Variants in LRMDA observed in about 807,000 individuals in gnomAD.
The protein encoded by LRMDA is leucine-rich melanocyte differentiation-associated protein.
In LRMDA, 18 loss-of-function variants were observed where a neutral mutation model predicts 29.8. The ratio of observed to expected loss-of-function variants is 0.60; its 90% confidence interval spans 0.42 to 0.90. The LOEUF (loss-of-function observed/expected upper bound fraction) is 0.90, where lower values mean the gene tolerates loss of function less well. Among genes scored for constraint, LRMDA ranks in the 40% least tolerant of loss-of-function variants. The pLI is 0.00. For synonymous variants in LRMDA, 125 were observed against 109.4 expected, an observed-to-expected ratio of 1.14 and a Z score of -0.89; for missense variants, 273 against 273.9, an observed-to-expected ratio of 1.00 and a Z score of 0.02.
At chr10:76,135,724 C>T (rs1008249064) in intron 5 of LRMDA, among the ~76,000 whole-genome samples, 6 of 151,764 alleles carry the variant, frequency 4.0e-5, no homozygotes, top group African/African-American at 1.5e-4. Flanking sequence ...CTGTCTTCAC[C>T]TTGTCTTCCC....
intron 6 of LRMDA, among the ~76,000 whole-genome samples, chr10:76,524,939 A>C (rs1408742545): frequency 6.6e-6 from 1 of 152,208 alleles, no homozygotes; most frequent in African/African-American, 2.4e-5. Context: ...AGAAAATAAC[A>C]CACACTTTAT....
chr10:76,371,301 G>A (rs1841451438), intron 6 of LRMDA, among the ~76,000 whole-genome samples: 1 of 152,182 alleles, frequency 6.6e-6, no homozygotes, highest in East Asian at 1.9e-4. Flanking sequence ...CCTTCTTGCA[G>A]TGGGGTTTTG....
rs980306774 is a variant in LRMDA, at chr10:76,320,357, A to C, written c.517-4044A>C. ...CTTCAGCAGAAGGATTTATAAGGCC[A>C]GAATGAGTGTTTCAAGCCTTGCGGG... On this transcript the variant is annotated intron_variant, in intron 5 of 6. Transcript: ENST00000611255. 9.2e-5 allele frequency among the ~76,000 whole-genome samples: 14 copies of C among 152,346 alleles called. 1 individual carries two copies. Among genetic ancestry groups the C allele is most frequent in the African/African-American group, 3.4e-4 (14 of 41,586 alleles).
At chr10:76,446,046 T>G (rs1354915990) in intron 6 of LRMDA, among the ~76,000 whole-genome samples, 1 of 152,238 alleles carries the variant, frequency 6.6e-6, no homozygotes, top group East Asian at 1.9e-4. Flanking sequence ...CTAGTCCTTT[T>G]ATCCTTTTAT....
chr10:76,043,634 G>A (rs1240816127), intron 3 of LRMDA, among the ~76,000 whole-genome samples: 1 of 151,820 alleles, frequency 6.6e-6, no homozygotes, highest in Non-Finnish European at 1.5e-5. Flanking sequence ...ATGCAAACAA[G>A]AAACCCTTGA....
intron 2 of LRMDA, among the ~76,000 whole-genome samples, chr10:75,957,922 A>T (rs1448344083): frequency 6.6e-6 from 1 of 152,194 alleles, no homozygotes; most frequent in African/African-American, 2.4e-5. Flanking sequence ...TACCAGACAC[A>T]TCTTTCTCTT....
intron 2 of LRMDA, among the ~76,000 whole-genome samples, chr10:75,720,032 A>C (rs1842546928): frequency 6.6e-6 from 1 of 152,184 alleles, no homozygotes; most frequent in Non-Finnish European, 1.5e-5. Context: ...AAAACCCAAA[A>C]TTTAACAAGA....
chr10:75,989,629 A>G (rs1302451357), intron 2 of LRMDA, among the ~76,000 whole-genome samples: 1 of 152,190 alleles, frequency 6.6e-6, no homozygotes, highest in Non-Finnish European at 1.5e-5. Context: ...AGAGGGTGTC[A>G]TGGGTTACAG....
At chr10:76,275,005 T>C (rs907104864) in intron 5 of LRMDA, among the ~76,000 whole-genome samples, 6 of 152,194 alleles carry the variant, frequency 3.9e-5, no homozygotes, top group Non-Finnish European at 7.3e-5. Context: ...CTTTGGATGA[T>C]AGCTCTCCAC....
At chr10:76,034,499 C>T (rs919112186) in intron 2 of LRMDA, among the ~76,000 whole-genome samples, 2 of 152,138 alleles carry the variant, frequency 1.3e-5, no homozygotes, top group African/African-American at 4.8e-5. Context: ...GTGGGACCAC[C>T]CCGAGGTCTG....
chr10:75,674,999 C>T (rs1177608263), intron 2 of LRMDA, among the ~76,000 whole-genome samples: 1 of 152,152 alleles, frequency 6.6e-6, no homozygotes, highest in Non-Finnish European at 1.5e-5. Flanking sequence ...CTTTTCATTT[C>T]CACGTAATTG....
At chr10:75,652,223 G>A (rs938531778) in intron 2 of LRMDA, among the ~76,000 whole-genome samples, 9 of 152,176 alleles carry the variant, frequency 5.9e-5, no homozygotes, top group African/African-American at 1.4e-4. Flanking sequence ...GACATCCCTC[G>A]ATAAGTAAAA....
chr10:76,114,270 C>T (rs1192792698), intron 5 of LRMDA, among the ~76,000 whole-genome samples: 1 of 152,172 alleles, frequency 6.6e-6, no homozygotes, highest in East Asian at 1.9e-4. Flanking sequence ...TGATTGACGG[C>T]GCTGATAGAT....
chr10:76,061,466 G>A (rs1353095634), intron 5 of LRMDA, among the ~76,000 whole-genome samples: 3 of 151,986 alleles, frequency 2.0e-5, no homozygotes, highest in South Asian at 2.1e-4. Flanking sequence ...ACAAACCCCC[G>A]TGACACAAGT....
intron 5 of LRMDA, among the ~76,000 whole-genome samples, chr10:76,070,195 T>C (rs2132067687): frequency 6.6e-6 from 1 of 152,340 alleles, no homozygotes; most frequent in African/African-American, 2.4e-5. Flanking sequence ...AGGACTCTTT[T>C]TGTGGCACTG....
intron 2 of LRMDA, among the ~76,000 whole-genome samples, chr10:75,741,905 C>T (rs1842834408): frequency 6.6e-6 from 1 of 152,132 alleles, no homozygotes; most frequent in Admixed American, 6.5e-5. Context: ...GTGGAGCTCT[C>T]ATGAACGATG....
intron 5 of LRMDA, among the ~76,000 whole-genome samples, chr10:76,269,109 G>A (rs1226374721): frequency 6.6e-6 from 1 of 151,962 alleles, no homozygotes; most frequent in Non-Finnish European, 1.5e-5. Flanking sequence ...TCCCGGGGTC[G>A]TAGTTCATGG....
intron 2 of LRMDA, among the ~76,000 whole-genome samples, chr10:75,644,490 T>C (rs1191051146): frequency 6.6e-6 from 1 of 152,216 alleles, no homozygotes; most frequent in African/African-American, 2.4e-5. Flanking sequence ...TAACTGAATC[T>C]AATCACATTA....
At chr10:75,716,612 A>G (rs1842503369) in intron 2 of LRMDA, among the ~76,000 whole-genome samples, 1 of 152,192 alleles carries the variant, frequency 6.6e-6, no homozygotes, top group Non-Finnish European at 1.5e-5. Context: ...TTTAGGTTCA[A>G]GCTAGTGGGT....
Sources: gnomAD v4.1 joint callset for allele counts (sites outside exome capture counted in the v4.1 genomes callset) on GRCh38, gnomAD v4.1.1 for gene constraint, MANE v1.5 for transcripts, NCBI Gene and HGNC (gene_info 2026-07-23, HGNC 2026-07-21) for gene names.